COL5A1: variants seen among roughly 807,000 people sequenced by gnomAD.
COL5A1 encodes collagen alpha-1(V) chain.
A neutral mutation model predicts 263.7 loss-of-function variants in COL5A1; 16 were observed. The observed-to-expected ratio is 0.06, with a 90% CI of 0.04 to 0.09. COL5A1 has a LOEUF of 0.09. COL5A1 is among the 10% of genes least tolerant of loss of function. COL5A1 has a pLI of 1.00. For synonymous variants in COL5A1, 1,012 were observed against 1,004.5 expected, an observed-to-expected ratio of 1.01 and a Z score of -0.14; for missense variants, 2,036 against 2,540.5, an observed-to-expected ratio of 0.80 and a Z score of 4.27.
intron 1 of COL5A1, among the ~76,000 whole-genome samples, chr9:134,664,803 T>C (rs1832308638): frequency 6.6e-6 from 1 of 152,232 alleles, no homozygotes. Context: ...GGCTCATGCC[T>C]ATATTTCCAG....
chr9:134,659,397 A>G (rs116619949), intron 1 of COL5A1, among the ~76,000 whole-genome samples: 249 of 152,256 alleles, frequency 1.6e-3, no homozygotes, highest in African/African-American at 5.7e-3. Context: ...AACAATAATA[A>G]TAATCATAAT....
chr9:134,679,287 CGGGCTGGTTGGGGGTACTGTG>C (rs1832766309), intron 1 of COL5A1, among the ~76,000 whole-genome samples: 1 of 87,242 alleles, frequency 1.1e-5, no homozygotes, highest in Non-Finnish European at 2.4e-5. Context: ...GGGGCACTGC[CGGGCTGGTTGGGGGTACTGTG>C]GGGCTGGCTA....
chr9:134,670,399 G>T (rs1832503783), intron 1 of COL5A1, among the ~76,000 whole-genome samples: 1 of 152,200 alleles, frequency 6.6e-6, no homozygotes, highest in African/African-American at 2.4e-5. Context: ...CTGTGCCCCA[G>T]GCAGTGTTAT....
chr9:134,698,923 C>G (rs1318538401), intron 2 of COL5A1, among the ~76,000 whole-genome samples: 1 of 152,226 alleles, frequency 6.6e-6, no homozygotes, highest in Non-Finnish European at 1.5e-5. Flanking sequence ...AGGTCCTGGG[C>G]CCCCCTTCCT....
At position 134,642,036 on chromosome 9, in the gene COL5A1, C is replaced by T; in HGVS notation, c.-152C>T. ...CCGCCCCTTCCAGAACAGCCGCCGC[C>T]ACAAAGAAGAACGGGGGGTGCCGAG... On this transcript the variant is annotated 5_prime_UTR_variant, in exon 1 of 66. Transcript: ENST00000371817. The surrounding 1 kb of genome is among the most constrained non-coding windows in gnomAD (Gnocchi z 4.5). The T allele has an allele frequency of 1.5e-6, 1 of 665,596 alleles. No homozygotes were observed. Among genetic ancestry groups the T allele is most frequent in the Middle Eastern group, 4.6e-4 (1 of 2,152 alleles). The allele number at this position is 665,596 out of a possible 1,614,324, so 41.2% of individuals were successfully genotyped here. A position where few individuals can be genotyped will look rare whatever the true frequency, so the allele number is the denominator to read the frequency against.
Position 134,801,969 on chromosome 9 carries a change from A to T in COL5A1, c.2968A>T (p.Thr990Ser), listed in dbSNP as rs1325613417. ...CTCTTCACAGGGTTTCCAAGGCAAGACCGGCCCTCCAGGCCCCCCCGGCGT... is the reference window on the plus strand; with the variant it reads ...CTCTTCACAGGGTTTCCAAGGCAAGTCCGGCCCTCCAGGCCCCCCCGGCGT... Reference protein sequence around the residue: ...QRGETGFQGKTGPPGPPGVVG... With the variant: ...QRGETGFQGKSGPPGPPGVVG... Residue 990 changes from threonine (T) to serine (S), a missense_variant, in exon 38 of 66, where the codon ACC becomes TCC. Thr to Ser is a moderately conservative substitution (Grantham distance 58). Transcript: ENST00000371817. 1 of 1,613,314 alleles carries T rather than the reference A, an allele frequency of 6.2e-7. No homozygotes were observed. The highest frequency in any genetic ancestry group is 1.1e-5 in the South Asian group (1 of 91,078).
chr9:134,819,134 C>G (rs1838890289), intron 57 of COL5A1, 81 bp downstream of exon 57: 1 of 1,419,530 alleles, frequency 7.0e-7, no homozygotes, highest in Admixed American at 1.7e-5. Context: ...TCAACAAGCT[C>G]TTGATCCGTC....
chr9:134,826,993 C>T (rs1839309436), intron 63 of COL5A1, among the ~76,000 whole-genome samples: 1 of 152,196 alleles, frequency 6.6e-6, no homozygotes, highest in Admixed American at 6.5e-5. Context: ...CCTGTTGCTC[C>T]TGGAAGGTGA....
intron 1 of COL5A1, among the ~76,000 whole-genome samples, chr9:134,679,383 A>T: frequency 2.7e-5 from 1 of 36,496 alleles, no homozygotes; most frequent in Non-Finnish European, 5.1e-5. Context: ...GGGGCTGGTT[A>T]GGGGGCACTG....
intron 43 of COL5A1, among the ~76,000 whole-genome samples, chr9:134,810,005 A>T (rs1000925024): frequency 6.6e-6 from 1 of 152,266 alleles, no homozygotes. Flanking sequence ...AATATTTTCA[A>T]TATGACTTTT....
chr9:134,691,208 C>G (rs964523059), intron 2 of COL5A1, 129 bp downstream of exon 2: 158 of 1,213,748 alleles, frequency 1.3e-4, no homozygotes, highest in Non-Finnish European at 1.8e-4. Flanking sequence ...CTCTCACGAG[C>G]CCGGCTTCGT....
At chr9:134,795,633 C>T (rs942930021) in intron 34 of COL5A1, among the ~76,000 whole-genome samples, 12 of 152,170 alleles carry the variant, frequency 7.9e-5, no homozygotes, top group African/African-American at 1.4e-4. Flanking sequence ...CCGCCCTGGT[C>T]GGGAGGCCCC....
intron 37 of COL5A1, among the ~76,000 whole-genome samples, chr9:134,801,157 G>A (rs1838099860): frequency 6.6e-6 from 1 of 152,254 alleles, no homozygotes; most frequent in Non-Finnish European, 1.5e-5. Flanking sequence ...TGCAGAGCGG[G>A]CGTGAGATAT....
intron 44 of COL5A1, 74 bp downstream of exon 44, chr9:134,810,382 C>A: frequency 7.1e-7 from 1 of 1,413,238 alleles, no homozygotes; most frequent in Non-Finnish European, 1.0e-6. Context: ...AGGCCGTGTG[C>A]CATGCACGTT....
At chr9:134,810,473 G>A (rs1296201540) in intron 44 of COL5A1, 165 bp downstream of exon 44, 2 of 634,738 alleles carry the variant, frequency 3.2e-6, no homozygotes, top group Admixed American at 5.6e-5. Context: ...GTGTGTGTGT[G>A]CACACGCGTG....
chr9:134,713,161 G>A (rs1834130584), intron 4 of COL5A1, among the ~76,000 whole-genome samples: 1 of 152,268 alleles, frequency 6.6e-6, no homozygotes, highest in African/African-American at 2.4e-5. Flanking sequence ...TCTCCTGTCC[G>A]ATAGTGAGTT....
intron 26 of COL5A1, among the ~76,000 whole-genome samples, chr9:134,774,417 T>C (rs1300940144): frequency 6.6e-6 from 1 of 152,200 alleles, no homozygotes; most frequent in Non-Finnish European, 1.5e-5. Flanking sequence ...GGCGAGGCCC[T>C]TGGCTGCTGG....
At chr9:134,676,608 G>T (rs1037779379) in intron 1 of COL5A1, among the ~76,000 whole-genome samples, 6 of 77,188 alleles carry the variant, frequency 7.8e-5, no homozygotes, top group African/African-American at 2.9e-4. Context: ...CTCCCGAAAG[G>T]CTCCTTCTTC....
intron 36 of COL5A1, among the ~76,000 whole-genome samples, chr9:134,797,399 C>T (rs955344221): frequency 6.6e-6 from 1 of 152,198 alleles, no homozygotes; most frequent in Non-Finnish European, 1.5e-5. Flanking sequence ...GTCCTTGGCA[C>T]CCAGTGGCCT....
Sources: allele counts gnomAD v4.1 joint callset (sites outside exome capture counted in the v4.1 genomes callset), GRCh38; gene constraint gnomAD v4.1.1; non-coding constraint Gnocchi (gnomAD v3.1); transcripts MANE v1.5; gene names NCBI Gene and HGNC (gene_info 2026-07-23, HGNC 2026-07-21).